PTPRJ: variants seen among roughly 807,000 people sequenced by gnomAD.
PTPRJ encodes the protein receptor-type tyrosine-protein phosphatase eta.
PTPRJ carries 129 observed loss-of-function variants against 141.3 expected under a neutral mutation model. The observed-to-expected ratio is 0.91, with a 90% CI of 0.79 to 1.06. The LOEUF (loss-of-function observed/expected upper bound fraction) is 1.06, where lower values mean the gene tolerates loss of function less well. Among genes scored for constraint, PTPRJ ranks in the 50% least tolerant of loss-of-function variants. The pLI, the probability that PTPRJ is intolerant of heterozygous loss-of-function variation, is 0.00. For synonymous variants in PTPRJ, 610 were observed against 640.5 expected (o/e 0.95, Z 0.72); for missense variants, 1,601 against 1,679.7 (o/e 0.95, Z 0.82).
chr11:48,000,908 A>G (rs1333825466), intron 1 of PTPRJ, among the ~76,000 whole-genome samples: 1 of 152,104 alleles, frequency 6.6e-6, no homozygotes, highest in African/African-American at 2.4e-5. Flanking sequence ...ATGAATTGAA[A>G]GAACCACCCT....
chr11:48,033,438 G>A (rs767171495), intron 1 of PTPRJ, among the ~76,000 whole-genome samples: 1 of 152,152 alleles, frequency 6.6e-6, no homozygotes, highest in Non-Finnish European at 1.5e-5. Flanking sequence ...GTGGGACGGG[G>A]TAAGATCACC....
intron 1 of PTPRJ, among the ~76,000 whole-genome samples, chr11:47,985,293 G>T (rs985428344): frequency 5.3e-5 from 8 of 152,028 alleles, no homozygotes; most frequent in African/African-American, 1.2e-4. Flanking sequence ...GACTAAAGGC[G>T]TGTGCTACCA....
At chr11:48,156,661 A>G (rs1857615268) in intron 21 of PTPRJ, among the ~76,000 whole-genome samples, 1 of 142,080 alleles carries the variant, frequency 7.0e-6, no homozygotes, top group Non-Finnish European at 1.5e-5. Context: ...TGGTGCGATC[A>G]TGGCTCACTA....
intron 1 of PTPRJ, among the ~76,000 whole-genome samples, chr11:47,996,355 AAG>A (rs1491206210): frequency 2.0e-5 from 3 of 151,402 alleles, no homozygotes; most frequent in Non-Finnish European, 4.4e-5. Flanking sequence ...AAAAAAAAAA[AAG>A]AGGAACTTGG....
chr11:48,152,776 A>G (rs2134378011), intron 18 of PTPRJ, among the ~76,000 whole-genome samples: 1 of 152,198 alleles, frequency 6.6e-6, no homozygotes, highest in South Asian at 2.1e-4. Context: ...GTTCTGTTCC[A>G]TTGGTCTATA....
chr11:48,126,799 C>T (rs1310484580), intron 6 of PTPRJ, among the ~76,000 whole-genome samples: 1 of 140,118 alleles, frequency 7.1e-6, no homozygotes, highest in African/African-American at 2.9e-5. Flanking sequence ...CACACACACA[C>T]ACACACACAC....
intron 1 of PTPRJ, among the ~76,000 whole-genome samples, chr11:48,047,858 G>T (rs1854450738): frequency 6.6e-6 from 1 of 152,210 alleles, no homozygotes; most frequent in Non-Finnish European, 1.5e-5. Context: ...GCCTGGGGCA[G>T]ATGCCGGGTG....
At chr11:47,991,293 A>G (rs756353932) in intron 1 of PTPRJ, among the ~76,000 whole-genome samples, 92 of 152,114 alleles carry the variant, frequency 6.0e-4, no homozygotes, top group Non-Finnish European at 2.1e-4. Context: ...AAAACAAAAC[A>G]AAACGTAGGG....
intron 1 of PTPRJ, among the ~76,000 whole-genome samples, chr11:48,010,382 T>G (rs936932602): frequency 6.6e-6 from 1 of 151,676 alleles, no homozygotes; most frequent in African/African-American, 2.4e-5. Context: ...TTTCGCCATG[T>G]TGGCCAGGCT....
chr11:48,159,942 G>T lies in PTPRJ; in HGVS notation c.3451G>T (p.Glu1151Ter), dbSNP rs138938184. 1 of 1,613,736 alleles carries T rather than the reference G, an allele frequency of 6.2e-7. No homozygotes were observed. Among genetic ancestry groups the T allele is most frequent in the African/African-American group, 1.3e-5 (1 of 74,884 alleles). Residue 1151 changes from glutamate to a stop codon, truncating the protein, a stop_gained, in exon 22 of 25, where the codon GAG becomes TAG. Transcript: ENST00000418331. LOFTEE classifies it high-confidence loss of function. ...AATTTTGTTCTAGACCAAATGTGAGGAGTATTGGCCCTCCAAGCAGGCTCA... is the reference window on the plus strand; with the variant it reads ...AATTTTGTTCTAGACCAAATGTGAGTAGTATTGGCCCTCCAAGCAGGCTCA... ...CVEQGRTKCE[E>*]YWPSKQAQDY... is the part of the protein sequence containing the mutation.
At chr11:48,155,495 A>G (rs543666200) in intron 19 of PTPRJ, among the ~76,000 whole-genome samples, 1 of 152,284 alleles carries the variant, frequency 6.6e-6, no homozygotes, top group African/African-American at 2.4e-5. Context: ...TAACAGGTTC[A>G]TTTTATGTGA....
intron 1 of PTPRJ, among the ~76,000 whole-genome samples, chr11:48,046,736 C>T (rs1475957992): frequency 6.6e-6 from 1 of 151,732 alleles, no homozygotes; most frequent in Admixed American, 6.6e-5. Flanking sequence ...CCCCCCTACC[C>T]TATGTGGATT....
At chr11:48,024,884 T>C (rs1853765267) in intron 1 of PTPRJ, among the ~76,000 whole-genome samples, 1 of 152,250 alleles carries the variant, frequency 6.6e-6, no homozygotes, top group Admixed American at 6.5e-5. Context: ...TTAGAAGGCC[T>C]GCCACACAGT....
intron 1 of PTPRJ, among the ~76,000 whole-genome samples, chr11:48,087,315 A>G (rs1855742693): frequency 6.6e-6 from 1 of 152,266 alleles, no homozygotes; most frequent in Non-Finnish European, 1.5e-5. Context: ...GTGAAGCTAA[A>G]TGAAGCTAAA....
intron 1 of PTPRJ, among the ~76,000 whole-genome samples, chr11:47,991,247 G>C (rs571304143): frequency 6.6e-6 from 1 of 152,030 alleles, no homozygotes; most frequent in Non-Finnish European, 1.5e-5. Context: ...TCCTAGCCCC[G>C]AAGGAGCACA....
At chr11:48,139,098 A>G (rs555479017) in intron 10 of PTPRJ, among the ~76,000 whole-genome samples, 3 of 151,946 alleles carry the variant, frequency 2.0e-5, no homozygotes, top group Admixed American at 2.0e-4. Flanking sequence ...GCGCCATTGC[A>G]CTCCAGCCTG....
rs1475281110 is a variant in PTPRJ at position 48,136,316 on chromosome 11, C to G, written c.1873+20C>G. 1 of 1,609,592 alleles carries G rather than the reference C, an allele frequency of 6.2e-7. No individual in the cohort carries two copies. Among genetic ancestry groups the G allele is most frequent in the East Asian group, 2.2e-5 (1 of 44,830 alleles). ...ACACACGTAAGTCTCTTAGGATGCC[C>G]TTCTAAGGAACAGCCTCTCTAACTG... On this transcript the variant is annotated intron_variant, in intron 9 of 24. Transcript: ENST00000418331.
chr11:48,131,626 T>TCA (rs1406493039), intron 8 of PTPRJ: 2 of 731,868 alleles, frequency 2.7e-6, no homozygotes, highest in Non-Finnish European at 5.1e-6. Flanking sequence ...TTTTATTGGA[T>TCA]CACAGCCATG....
chr11:48,059,595 AG>A (rs1174231647), intron 1 of PTPRJ, among the ~76,000 whole-genome samples: 1 of 152,184 alleles, frequency 6.6e-6, no homozygotes, highest in Non-Finnish European at 1.5e-5. Context: ...CAAATACTGA[AG>A]GTTGTGCTCT....
Sources: allele counts gnomAD v4.1 joint callset (sites outside exome capture counted in the v4.1 genomes callset), GRCh38; gene constraint gnomAD v4.1.1; transcripts MANE v1.5; gene names NCBI Gene and HGNC (gene_info 2026-07-23, HGNC 2026-07-21).